The following RAB27A variants were observed in gnomAD, a reference collection of about 807,000 sequenced individuals.
RAB27A encodes ras-related protein Rab-27A.
RAB27A carries 17 observed loss-of-function variants against 20.8 expected under a neutral mutation model. The ratio of observed to expected loss-of-function variants is 0.82; its 90% CI spans 0.56 to 1.23. RAB27A has a LOEUF of 1.23. RAB27A is among the 50% of genes most tolerant of loss of function. The probability of loss-of-function intolerance (pLI) is 0.00; values close to 1 mark genes in which losing one functional copy is unlikely to be tolerated. For missense variants in RAB27A, 277 were observed against 266.7 expected (o/e 1.04, Z -0.27); for synonymous variants, 85 against 92.8 (o/e 0.92, Z 0.48).
chr15:55,210,168 T>G (rs1268327153), intron 6 of RAB27A, among the ~76,000 whole-genome samples: 2 of 147,062 alleles, frequency 1.4e-5, no homozygotes, highest in African/African-American at 5.1e-5. Context: ...TACACATACA[T>G]ATATACGTAC....
At chr15:55,311,836 A>C (rs1378667337) in intron 2 of RAB27A, among the ~76,000 whole-genome samples, 1 of 152,040 alleles carries the variant, frequency 6.6e-6, no homozygotes, top group African/African-American at 2.4e-5. Context: ...CTTGGGGGGA[A>C]CGTTTCCCAT....
chr15:55,288,254 C>T (rs1224775956), intron 1 of RAB27A, among the ~76,000 whole-genome samples: 1 of 152,144 alleles, frequency 6.6e-6, no homozygotes, highest in Non-Finnish European at 1.5e-5. Context: ...GGTGCAGTGG[C>T]TCAAGCCTAT....
At chr15:55,245,842 G>A (rs956470889) in intron 2 of RAB27A, among the ~76,000 whole-genome samples, 1 of 152,112 alleles carries the variant, frequency 6.6e-6, no homozygotes, top group Admixed American at 6.6e-5. Flanking sequence ...GGGCATGGTG[G>A]CTCATGCCAG....
In RAB27A at chr15:55,279,451, C is replaced by T. The variant is rs542918822; in HGVS notation, c.-142-9167G>A. Among the ~76,000 whole-genome samples the T allele has an allele frequency of 8.5e-5, 13 of 152,260 alleles. No homozygotes were observed. In the South Asian group the frequency reaches 2.5e-3, roughly 29 times the overall value. On this transcript the variant is annotated intron_variant, in intron 1 of 6. Coordinates refer to ENST00000336787, the MANE Select transcript of RAB27A (RefSeq NM_183235.3). ...GGAATCTGCATTTATATCAAGCTTC[C>T]CAGGGGCTTTCTGGTTATACACAAT...
intron 1 of RAB27A, among the ~76,000 whole-genome samples, chr15:55,318,275 T>G (rs897163020): frequency 2.0e-5 from 3 of 151,320 alleles, no homozygotes; most frequent in Non-Finnish European, 4.4e-5. Context: ...TTTTTTGTAT[T>G]TTTTGTAGAG....
At chr15:55,226,635 T>C (rs928952584) in intron 5 of RAB27A, among the ~76,000 whole-genome samples, 1 of 152,052 alleles carries the variant, frequency 6.6e-6, no homozygotes, top group Non-Finnish European at 1.5e-5. Context: ...TTTGGGAGGC[T>C]GAGGCGCGTG....
At chr15:55,232,311 A>T (rs967518092) in intron 3 of RAB27A, among the ~76,000 whole-genome samples, 1 of 152,246 alleles carries the variant, frequency 6.6e-6, no homozygotes, top group African/African-American at 2.4e-5. Flanking sequence ...ATAATTAAAC[A>T]AACAGCAACG....
chr15:55,312,664 ACT>A (rs1307243248), intron 2 of RAB27A, among the ~76,000 whole-genome samples: 2 of 152,060 alleles, frequency 1.3e-5, no homozygotes, highest in Non-Finnish European at 2.9e-5. Context: ...AAAAAAAAAA[ACT>A]CAGCCTCTGG....
chr15:55,278,581 C>T (rs1323819351), intron 1 of RAB27A, among the ~76,000 whole-genome samples: 1 of 151,344 alleles, frequency 6.6e-6, no homozygotes, highest in Non-Finnish European at 1.5e-5. Flanking sequence ...CTCCTGGGTT[C>T]ACGCCATTCG....
At chr15:55,261,792 C>G (rs372131126) in intron 2 of RAB27A, among the ~76,000 whole-genome samples, 28 of 149,632 alleles carry the variant, frequency 1.9e-4, no homozygotes, top group African/African-American at 6.4e-4. Context: ...GTAATCCCAG[C>G]ACTTTGGAAG....
intron 1 of RAB27A, among the ~76,000 whole-genome samples, chr15:55,280,637 T>A (rs1236357681): frequency 6.6e-6 from 1 of 151,890 alleles, no homozygotes; most frequent in Non-Finnish European, 1.5e-5. Context: ...TAGGTATTTC[T>A]CCTAATGCTA....
upstream of RAB27A, among the ~76,000 whole-genome samples, chr15:55,294,321 C>T (rs1221047787): frequency 6.6e-6 from 1 of 152,104 alleles, no homozygotes; most frequent in Non-Finnish European, 1.5e-5. Flanking sequence ...GGCGCGGTAG[C>T]TCACGCCTGT....
At chr15:55,317,843 C>G (rs1426174148) in intron 1 of RAB27A, 1 of 396,230 alleles carries the variant, frequency 2.5e-6, no homozygotes, top group African/African-American at 2.1e-5. Context: ...AAGTCACACT[C>G]CACACCCAGG....
chr15:55,286,345 G>T (rs1330318630), intron 1 of RAB27A, among the ~76,000 whole-genome samples: 2 of 152,176 alleles, frequency 1.3e-5, no homozygotes, highest in Non-Finnish European at 2.9e-5. Context: ...CCATCCTGGA[G>T]CTTGTCTTCT....
chr15:55,225,185 T>C (rs1895748590), intron 5 of RAB27A, among the ~76,000 whole-genome samples: 1 of 152,196 alleles, frequency 6.6e-6, no homozygotes, highest in Non-Finnish European at 1.5e-5. Flanking sequence ...GTCTCCAGAG[T>C]GGCTCTGTGC....
upstream of RAB27A, among the ~76,000 whole-genome samples, chr15:55,294,589 G>GAA (rs1181179911): frequency 6.6e-3 from 192 of 29,082 alleles, 1 homozygote; most frequent in African/African-American, 0.015. Flanking sequence ...CCCTGTCTCC[G>GAA]AAAAAAAAAA....
At chr15:55,239,879 C>T (rs1032412830) in intron 2 of RAB27A, among the ~76,000 whole-genome samples, 4 of 152,052 alleles carry the variant, frequency 2.6e-5, no homozygotes, top group Non-Finnish European at 2.9e-5. Context: ...GTGTTGAGGG[C>T]GACAGCCTTC....
At position 55,263,164 on chromosome 15, in the gene RAB27A, G is replaced by C. The variant is rs562113652; in HGVS notation, c.-23+7001C>G. On this transcript the variant is annotated intron_variant, in intron 2 of 6. Transcript: ENST00000336787. ...GCTCTTTTCTCATACTTTCTACCTA[G>C]AATTTCTCTTTCAAAGTAATTCTGT... is the stretch of plus-strand genomic sequence containing the variant. Among the ~76,000 whole-genome samples the C allele has an allele frequency of 2.6e-5, 4 of 151,876 alleles. No individual in the cohort carries two copies. In the East Asian group the frequency reaches 5.8e-4, roughly 22 times the overall value.
At position 55,203,537 on chromosome 15, in the gene RAB27A, C is replaced by T. The variant is rs1251008341; in HGVS notation, c.*1970G>A. On this transcript the variant is annotated 3_prime_UTR_variant, in exon 7 of 7. Coordinates refer to ENST00000336787, the MANE Select transcript of RAB27A (RefSeq NM_183235.3). ...TCACGCCATTCTCCTGCCTCAGCCT[C>T]CTGAGTAGCTGGGACTACAGGTGCC... 6.6e-6 allele frequency: 1 copy of T among 150,832 alleles called. No homozygotes were observed. Among genetic ancestry groups the T allele is most frequent in the East Asian group, 1.9e-4 (1 of 5,146 alleles). The allele number at this position is 150,832 out of a possible 1,614,324, so 9.3% of individuals were successfully genotyped here.
Sources: allele counts gnomAD v4.1 joint callset (sites outside exome capture counted in the v4.1 genomes callset), GRCh38; gene constraint gnomAD v4.1.1; transcripts MANE v1.5; gene names NCBI Gene and HGNC (gene_info 2026-07-23, HGNC 2026-07-21).